SMYD3: variants seen among roughly 807,000 people sequenced by gnomAD.
SMYD3 encodes SET and MYND domain containing 3.
In SMYD3, 36 loss-of-function variants were observed where a neutral mutation model predicts 57.7. That is an observed-to-expected ratio of 0.62 (90% CI 0.48 to 0.82). The LOEUF is 0.82. Ranked by LOEUF, SMYD3 falls within the 40% of genes least tolerant of loss-of-function variation. The pLI, the probability that SMYD3 is intolerant of heterozygous loss-of-function variation, is 0.00. For synonymous variants in SMYD3, 211 were observed against 195.0 expected, an observed-to-expected ratio of 1.08 and a Z score of -0.68; for missense variants, 515 against 538.8, an observed-to-expected ratio of 0.96 and a Z score of 0.44.
chr1:246,468,201 A>G (rs1342782462), intron 1 of SMYD3, among the ~76,000 whole-genome samples: 1 of 151,462 alleles, frequency 6.6e-6, no homozygotes, highest in Non-Finnish European at 1.5e-5. Flanking sequence ...ATGGAGTGGG[A>G]TTCATCCCAG....
chr1:246,195,640 A>G (rs1215041125), intron 5 of SMYD3, among the ~76,000 whole-genome samples: 2 of 152,138 alleles, frequency 1.3e-5, no homozygotes, highest in Non-Finnish European at 2.9e-5. Flanking sequence ...CACGCACTGA[A>G]AGAATATTAT....
chr1:246,171,879 C>T (rs1217086356), intron 5 of SMYD3, among the ~76,000 whole-genome samples: 1 of 152,126 alleles, frequency 6.6e-6, no homozygotes, highest in Non-Finnish European at 1.5e-5. Flanking sequence ...AGCATGTTGG[C>T]AAACATCTGT....
intron 1 of SMYD3, among the ~76,000 whole-genome samples, chr1:246,358,224 T>A (rs2065935407): frequency 6.6e-6 from 1 of 152,118 alleles, no homozygotes; most frequent in Non-Finnish European, 1.5e-5. Flanking sequence ...AGGAGGGACA[T>A]TATATAACAA....
intron 3 of SMYD3, among the ~76,000 whole-genome samples, chr1:246,331,948 C>T (rs1293962748): frequency 8.6e-5 from 12 of 140,128 alleles, no homozygotes; most frequent in African/African-American, 2.7e-4. Context: ...AAATGTTGTG[C>T]GTGTTCTCAC....
chr1:246,007,976 G>A (rs1375005457), intron 5 of SMYD3, among the ~76,000 whole-genome samples: 1 of 152,234 alleles, frequency 6.6e-6, no homozygotes, highest in Non-Finnish European at 1.5e-5. Context: ...TAAGAAGGCT[G>A]TGATTTTTAC....
intron 5 of SMYD3, among the ~76,000 whole-genome samples, chr1:246,087,246 T>C (rs1340179648): frequency 6.6e-6 from 1 of 152,206 alleles, no homozygotes; most frequent in Admixed American, 6.5e-5. Flanking sequence ...ATCCTTCCTG[T>C]TATTCTTATT....
chr1:246,434,657 C>T (rs527274705), intron 1 of SMYD3, among the ~76,000 whole-genome samples: 85 of 152,212 alleles, frequency 5.6e-4, no homozygotes, highest in East Asian at 3.9e-4. Context: ...CAGATGCTGG[C>T]GAGGCTGCAG....
intron 1 of SMYD3, among the ~76,000 whole-genome samples, chr1:246,434,027 C>T (rs1459101487): frequency 1.3e-5 from 2 of 152,138 alleles, no homozygotes; most frequent in African/African-American, 2.4e-5. Flanking sequence ...GGGGAAAGGA[C>T]CCTCTAGTCA....
intron 10 of SMYD3, among the ~76,000 whole-genome samples, chr1:245,806,735 C>T (rs1306390058): frequency 6.6e-6 from 1 of 151,260 alleles, no homozygotes; most frequent in African/African-American, 2.4e-5. Flanking sequence ...AAGGTGAAAC[C>T]CCGTCTCTAC....
At chr1:246,104,067 G>C (rs2061072859) in intron 5 of SMYD3, among the ~76,000 whole-genome samples, 1 of 152,134 alleles carries the variant, frequency 6.6e-6, no homozygotes, top group South Asian at 2.1e-4. Flanking sequence ...CAAACTATTA[G>C]TTCTAGCTCC....
chr1:246,251,551 C>T (rs2063801380), intron 5 of SMYD3, among the ~76,000 whole-genome samples: 1 of 68,554 alleles, frequency 1.5e-5, no homozygotes, highest in Non-Finnish European at 2.7e-5. Flanking sequence ...GGACACTGTG[C>T]CCGGCTTTAG....
intron 8 of SMYD3, among the ~76,000 whole-genome samples, chr1:245,893,976 G>A (rs1425633721): frequency 1.3e-5 from 2 of 152,214 alleles, no homozygotes; most frequent in Non-Finnish European, 2.9e-5. Flanking sequence ...TAAAACGGCA[G>A]TAAGAGTAAC....
chr1:245,835,181 G>A lies in SMYD3; in HGVS notation c.1076+23315C>T, dbSNP rs1040702620. On this transcript the variant is annotated intron_variant, in intron 10 of 11. Coordinates refer to ENST00000490107, the MANE Select transcript of SMYD3 (RefSeq NM_001167740.2). ...TGTCACCAGGCTAGAGTGCAACAGC[G>A]CAATCTTGGCTCACTGCAACCTCTG... Among the ~76,000 whole-genome samples the A allele has an allele frequency of 8.9e-5, 13 of 145,278 alleles. No homozygotes were observed. The East Asian group carries it at 2.0e-3, about 23-fold the overall frequency.
intron 2 of SMYD3, among the ~76,000 whole-genome samples, chr1:246,349,689 G>A (rs1356467214): frequency 6.6e-6 from 1 of 152,140 alleles, no homozygotes; most frequent in African/African-American, 2.4e-5. Context: ...CTGTAAAGTG[G>A]TAAAGTGTTA....
At chr1:245,987,740 C>T (rs751574700) in intron 5 of SMYD3, among the ~76,000 whole-genome samples, 56 of 152,140 alleles carry the variant, frequency 3.7e-4, no homozygotes, top group Non-Finnish European at 1.5e-4. Context: ...TCCAAAGTCC[C>T]GGCACTTAAG....
Position 246,202,205 on chromosome 1 carries a change from T to TA in SMYD3, c.531+124995dup, listed in dbSNP as rs1438293255. On this transcript the variant is annotated intron_variant, in intron 5 of 11. Coordinates refer to ENST00000490107, the MANE Select transcript of SMYD3 (RefSeq NM_001167740.2). The surrounding 1 kb of genome is among the most constrained non-coding windows in gnomAD (Gnocchi z 4.1). ...TTTATGATTTGAAATATTTTTAATTTAAAAAAACAGTGACATATACATATC... is the reference window on the plus strand; with the variant it reads ...TTTATGATTTGAAATATTTTTAATTTAAAAAAAACAGTGACATATACATATC... 6.6e-6 allele frequency among the ~76,000 whole-genome samples: 1 copy of TA among 152,136 alleles called. No individual in the cohort carries two copies. The highest frequency in any genetic ancestry group is 2.4e-5 in the African/African-American group (1 of 41,426).
chr1:245,892,010 G>C (rs564872611), intron 8 of SMYD3, among the ~76,000 whole-genome samples: 6 of 152,208 alleles, frequency 3.9e-5, no homozygotes, highest in East Asian at 1.9e-4. Context: ...TTCAGCCTGG[G>C]CGAAAGAGTG....
chr1:245,876,445 C>A (rs1418734973), intron 8 of SMYD3, among the ~76,000 whole-genome samples: 1 of 152,238 alleles, frequency 6.6e-6, no homozygotes, highest in Non-Finnish European at 1.5e-5. Flanking sequence ...GCCGCCTCAG[C>A]CATTGCTCCG....
chr1:245,955,129 T>C (rs1177125252), intron 5 of SMYD3, among the ~76,000 whole-genome samples: 1 of 152,206 alleles, frequency 6.6e-6, no homozygotes, highest in Non-Finnish European at 1.5e-5. Flanking sequence ...TCTCGCTCTG[T>C]CGCCCAGGCT....
Sources: gnomAD v4.1 joint callset for allele counts (sites outside exome capture counted in the v4.1 genomes callset) on GRCh38, gnomAD v4.1.1 for gene constraint, Gnocchi (gnomAD v3.1) non-coding constraint, MANE v1.5 for transcripts, NCBI Gene and HGNC (gene_info 2026-07-23, HGNC 2026-07-21) for gene names.